The following SLC26A5 variants were observed in gnomAD, a reference collection of about 807,000 sequenced individuals.
SLC26A5 encodes prestin.
Under a neutral mutation model 81.0 loss-of-function variants are expected in SLC26A5, and 51 were observed. That is an observed-to-expected ratio of 0.63 (90% confidence interval 0.50 to 0.80). The LOEUF is 0.80. Ranked by LOEUF, SLC26A5 falls within the 30% of genes least tolerant of loss-of-function variation. SLC26A5 has a pLI of 0.00. For synonymous variants in SLC26A5, 325 were observed against 332.8 expected, an observed-to-expected ratio of 0.98 and a Z score of 0.25; for missense variants, 771 against 905.8, an observed-to-expected ratio of 0.85 and a Z score of 1.91.
At chr7:103,402,430 C>T (rs1467166580) in intron 8 of SLC26A5, among the ~76,000 whole-genome samples, 13 of 137,542 alleles carry the variant, frequency 9.5e-5, no homozygotes, top group Admixed American at 3.1e-4. Context: ...GTCTCATTCT[C>T]GCTCTGTTGC....
At chr7:103,381,754 CCT>C (rs1296094611) in intron 14 of SLC26A5, among the ~76,000 whole-genome samples, 1 of 150,618 alleles carries the variant, frequency 6.6e-6, no homozygotes, top group Admixed American at 6.6e-5. Context: ...ACCACATACC[CCT>C]CATACCACAC....
At chr7:103,393,097 T>C (rs760205513) in intron 9 of SLC26A5, 31 bp from the exon 10 acceptor site, 1 of 1,613,528 alleles carries the variant, frequency 6.2e-7, no homozygotes, top group South Asian at 1.1e-5. Flanking sequence ...TAACTTGTGT[T>C]GTGACCACAA....
At chr7:103,385,840 A>C (rs1009242339) in intron 14 of SLC26A5, among the ~76,000 whole-genome samples, 3 of 151,638 alleles carry the variant, frequency 2.0e-5, no homozygotes, top group African/African-American at 7.3e-5. Flanking sequence ...AGCTGGGACC[A>C]CAGGTGTGCA....
chr7:103,390,592 T>C lies in SLC26A5; in HGVS notation c.1234-86A>G, dbSNP rs868313950. 38 of 1,058,346 alleles carry C rather than the reference T, an allele frequency of 3.6e-5. No individual in the cohort carries two copies. The African/African-American group carries it at 5.8e-4, about 16-fold the overall frequency. The allele number at this position is 1,058,346 out of a possible 1,614,324, so 65.6% of individuals were successfully genotyped here. The stretch of plus-strand genomic sequence containing the variant: ...AAGTTGGTTTTATTCTTTTGATAAT[T>C]ACTATGGGAAGATCAAGAAAATATG... On this transcript the variant is annotated intron_variant, in intron 11 of 19. Coordinates refer to ENST00000306312, the MANE Select transcript of SLC26A5 (RefSeq NM_198999.3).
intron 19 of SLC26A5, among the ~76,000 whole-genome samples, chr7:103,376,399 G>A (rs1031556066): frequency 9.9e-5 from 15 of 152,136 alleles, no homozygotes; most frequent in Admixed American, 3.3e-4. Context: ...TAACCAAAAT[G>A]TAATATAAAA....
intron 19 of SLC26A5, chr7:103,362,686 C>A: frequency 6.3e-7 from 1 of 1,599,704 alleles, no homozygotes; most frequent in Non-Finnish European, 8.6e-7. Flanking sequence ...ACTTCCTTAG[C>A]GTGGATAGAA....
intron 19 of SLC26A5, chr7:103,362,577 GTC>G: frequency 7.0e-7 from 1 of 1,435,398 alleles, no homozygotes; most frequent in Non-Finnish European, 9.5e-7. Context: ...TAGGGACTCT[GTC>G]TCTCTCTTGT....
At chr7:103,399,251 A>C (rs2116551123) in intron 8 of SLC26A5, among the ~76,000 whole-genome samples, 1 of 152,326 alleles carries the variant, frequency 6.6e-6, no homozygotes, top group African/African-American at 2.4e-5. Context: ...CCAAAGCAGG[A>C]GAGGCAAGCT....
rs769030139 is a variant in SLC26A5, at chr7:103,391,760, A to G, written c.1120-25T>C. 4.4e-6 allele frequency: 7 copies of G among 1,581,106 alleles called. No individual in the cohort carries two copies. In the African/African-American group the frequency reaches 6.7e-5, roughly 15 times the overall value. Reference sequence around the variant, plus strand: ...CCTTTCCCATGTAGAAACAAAACACAAAAGAGATAGGTCATTCTTCAGGAA... The same window carrying G: ...CCTTTCCCATGTAGAAACAAAACACGAAAGAGATAGGTCATTCTTCAGGAA... On this transcript the variant is annotated intron_variant, in intron 10 of 19. Transcript: ENST00000306312.
chr7:103,401,054 G>A (rs768933949), intron 8 of SLC26A5, among the ~76,000 whole-genome samples: 1 of 152,062 alleles, frequency 6.6e-6, no homozygotes, highest in Non-Finnish European at 1.5e-5. Context: ...GCCCTTTTTT[G>A]GTCCCATGTG....
At chr7:103,404,161 G>A (rs1823837157) in intron 8 of SLC26A5, among the ~76,000 whole-genome samples, 1 of 151,936 alleles carries the variant, frequency 6.6e-6, no homozygotes, top group Admixed American at 6.6e-5. Flanking sequence ...CCAGCCTGGG[G>A]GACAAGAGCA....
intron 7 of SLC26A5, among the ~76,000 whole-genome samples, chr7:103,409,756 G>A (rs1291502602): frequency 2.0e-5 from 3 of 151,672 alleles, no homozygotes; most frequent in African/African-American, 2.4e-5. Context: ...CGCTCAGGCT[G>A]GAGTGCAGTG....
At chr7:103,428,171 T>G (rs759188311) in intron 2 of SLC26A5, among the ~76,000 whole-genome samples, 7 of 152,094 alleles carry the variant, frequency 4.6e-5, no homozygotes, top group Non-Finnish European at 7.4e-5. Context: ...AGATTCTAAT[T>G]TAATAATTCT....
chr7:103,356,436 G>A (rs549114815), intron 19 of SLC26A5, among the ~76,000 whole-genome samples: 115 of 152,206 alleles, frequency 7.6e-4, no homozygotes, highest in African/African-American at 2.7e-3. Flanking sequence ...AATTACTTTG[G>A]CCAGTTTATA....
At chr7:103,419,507 A>G (rs993465302) in intron 4 of SLC26A5, among the ~76,000 whole-genome samples, 1 of 151,336 alleles carries the variant, frequency 6.6e-6, no homozygotes, top group African/African-American at 2.4e-5. Context: ...GACCTGAGTC[A>G]GGTCTCAGCT....
At chr7:103,399,403 C>A (rs569547342) in intron 8 of SLC26A5, among the ~76,000 whole-genome samples, 5 of 152,108 alleles carry the variant, frequency 3.3e-5, no homozygotes, top group African/African-American at 1.2e-4. Context: ...GTTAGAGATA[C>A]ATTTCGTTTT....
chr7:103,362,386 T>G, intron 19 of SLC26A5: 1 of 1,336,558 alleles, frequency 7.5e-7, no homozygotes, highest in Non-Finnish European at 9.6e-7. Context: ...TGCTTTAGGA[T>G]AGTTGTGATG....
At chr7:103,379,501 T>C (rs1821618372) in intron 15 of SLC26A5, among the ~76,000 whole-genome samples, 166 bp from the exon 16 acceptor site, 1 of 141,636 alleles carries the variant, frequency 7.1e-6, no homozygotes, top group South Asian at 2.3e-4. Context: ...AAAAAAAAGA[T>C]AAGAAAAGAA....
In SLC26A5 at chr7:103,422,625, C is replaced by T. The variant is rs149455990; in HGVS notation, c.-53-1058G>A. On this transcript the variant is annotated intron_variant, in intron 2 of 19. Transcript: ENST00000306312. The stretch of plus-strand genomic sequence containing the variant: ...AGGGATAGTAGAGGGCTTCTACTAA[C>T]TGTATCTGCAATGTTTTAGTTTGTA... 2.1e-3 allele frequency among the ~76,000 whole-genome samples: 326 copies of T among 152,264 alleles called. 3 individuals are homozygous for T. The highest frequency in any genetic ancestry group is 3.7e-3 in the Non-Finnish European group (252 of 68,024).
Sources: allele counts gnomAD v4.1 joint callset (sites outside exome capture counted in the v4.1 genomes callset), GRCh38; gene constraint gnomAD v4.1.1; transcripts MANE v1.5; gene names NCBI Gene and HGNC (gene_info 2026-07-23, HGNC 2026-07-21).